Variants in RGS6 observed in about 807,000 individuals in gnomAD.
RGS6 encodes regulator of G protein signaling 6, also known as regulator of G-protein signaling 6.
In RGS6, 30 loss-of-function variants were observed where a neutral mutation model predicts 78.5. The observed-to-expected ratio is 0.38, with a 90% confidence interval of 0.29 to 0.52. The LOEUF is 0.52. Among genes scored for constraint, RGS6 ranks in the 20% least tolerant of loss-of-function variants. RGS6 has a pLI of 0.85. For missense variants in RGS6, 495 were observed against 609.7 expected, an observed-to-expected ratio of 0.81 and a Z score of 1.98; for synonymous variants, 206 against 206.0, an observed-to-expected ratio of 1.00 and a Z score of 0.00.
intron 2 of RGS6, among the ~76,000 whole-genome samples, chr14:72,001,103 G>A (rs1211508117): frequency 6.6e-6 from 1 of 152,150 alleles, no homozygotes; most frequent in Non-Finnish European, 1.5e-5. Context: ...GCCCTGTCGT[G>A]GGGCCGCTCC....
intron 3 of RGS6, among the ~76,000 whole-genome samples, chr14:72,431,629 C>T (rs2153165711): frequency 6.6e-6 from 1 of 151,936 alleles, no homozygotes; most frequent in South Asian, 2.1e-4. Context: ...GTGAAGTGCC[C>T]ACCTCAGGGA....
intron 2 of RGS6, among the ~76,000 whole-genome samples, chr14:72,154,625 G>T (rs770359026): frequency 2.0e-5 from 3 of 152,182 alleles, no homozygotes; most frequent in African/African-American, 7.2e-5. Flanking sequence ...GGGATCTAAT[G>T]TCTGACTTTG....
intron 2 of RGS6, among the ~76,000 whole-genome samples, chr14:72,195,028 C>G (rs949319216): frequency 1.3e-5 from 2 of 151,978 alleles, no homozygotes; most frequent in African/African-American, 4.8e-5. Flanking sequence ...GCCAACATAG[C>G]GAAACCCCGT....
At chr14:72,145,520 C>T (rs767238064) in intron 2 of RGS6, among the ~76,000 whole-genome samples, 25 of 152,126 alleles carry the variant, frequency 1.6e-4, no homozygotes, top group Non-Finnish European at 2.9e-4. Flanking sequence ...ACTCTGTTGC[C>T]CAGGTTGGAG....
the RGS6 span, among the ~76,000 whole-genome samples, chr14:71,870,598 G>A: frequency 6.6e-6 from 1 of 152,130 alleles, no homozygotes; most frequent in African/African-American, 2.4e-5. Flanking sequence ...TTGGTATCAC[G>A]GGAAGCACAC....
At chr14:72,393,836 G>A (rs905079519) in intron 3 of RGS6, among the ~76,000 whole-genome samples, 1 of 152,140 alleles carries the variant, frequency 6.6e-6, no homozygotes, top group Non-Finnish European at 1.5e-5. Context: ...AGAATGCATT[G>A]TTCAGTGGAA....
At chr14:71,964,263 T>G (rs2093383209) in intron 1 of RGS6, among the ~76,000 whole-genome samples, 1 of 152,168 alleles carries the variant, frequency 6.6e-6, no homozygotes, top group Admixed American at 6.5e-5. Context: ...TGCCAGCAGT[T>G]TGGGAGGCTG....
chr14:72,540,240 C>T, intron 17 of RGS6, 146 bp downstream of exon 17: 2 of 1,538,930 alleles, frequency 1.3e-6, no homozygotes, highest in Non-Finnish European at 1.7e-6. Flanking sequence ...CAGCCCTTTT[C>T]TTTTGCGAGT....
chr14:72,088,487 T>G (rs2095140881), intron 2 of RGS6, among the ~76,000 whole-genome samples: 1 of 152,190 alleles, frequency 6.6e-6, no homozygotes, highest in African/African-American at 2.4e-5. Flanking sequence ...TTTGAAATGA[T>G]GGGCTGGGGA....
chr14:72,141,838 A>G (rs188845692), intron 2 of RGS6, among the ~76,000 whole-genome samples: 2 of 152,144 alleles, frequency 1.3e-5, no homozygotes, highest in East Asian at 3.9e-4. Flanking sequence ...AACCTTGGGT[A>G]GCCATGTTCC....
intron 2 of RGS6, among the ~76,000 whole-genome samples, chr14:72,228,806 G>A (rs989185777): frequency 3.3e-5 from 5 of 152,218 alleles, no homozygotes; most frequent in Admixed American, 2.6e-4. Flanking sequence ...AGCACTTTGG[G>A]AGGCCAAGGC....
chr14:72,474,930 C>A (rs1473390890), intron 10 of RGS6, among the ~76,000 whole-genome samples: 1 of 146,906 alleles, frequency 6.8e-6, no homozygotes, highest in East Asian at 2.0e-4. Flanking sequence ...TAAAACAAGC[C>A]AACAGGCAAC....
intron 2 of RGS6, among the ~76,000 whole-genome samples, chr14:72,192,703 T>G (rs2097342721): frequency 6.6e-6 from 1 of 152,178 alleles, no homozygotes; most frequent in Non-Finnish European, 1.5e-5. Context: ...GGCAATAAAA[T>G]AAATAAAGGC....
chr14:71,916,813 A>G, the RGS6 span, among the ~76,000 whole-genome samples: 6 of 152,182 alleles, frequency 3.9e-5, no homozygotes, highest in African/African-American at 1.4e-4. Context: ...GGGTTTGTTA[A>G]AATGCAGATT....
intron 1 of RGS6, among the ~76,000 whole-genome samples, chr14:71,944,353 C>A (rs2091146524): frequency 6.6e-6 from 1 of 152,248 alleles, no homozygotes; most frequent in East Asian, 1.9e-4. Flanking sequence ...CAGTCACTTG[C>A]CCTAAGTCAG....
the RGS6 span, among the ~76,000 whole-genome samples, chr14:72,612,301 T>C: frequency 2.0e-5 from 3 of 152,286 alleles, no homozygotes; most frequent in East Asian, 1.9e-4. Flanking sequence ...CCAGACGCAT[T>C]GGTGAGCCAG....
intron 2 of RGS6, among the ~76,000 whole-genome samples, chr14:72,341,626 G>T (rs757060501): frequency 1.3e-5 from 2 of 152,216 alleles, no homozygotes; most frequent in African/African-American, 2.4e-5. Flanking sequence ...AGCAAAACAG[G>T]CTGGGAGGAG....
At chr14:72,048,273 T>C (rs36741) in intron 2 of RGS6, among the ~76,000 whole-genome samples, 43,204 of 152,078 alleles carry the variant, frequency 0.28, 6,332 homozygotes, top group Admixed American at 0.33. Context: ...TTCAGAACCA[T>C]AAATGTTTTC....
At chr14:72,318,074 A>G (rs1464804663) in intron 2 of RGS6, among the ~76,000 whole-genome samples, 1 of 152,050 alleles carries the variant, frequency 6.6e-6, no homozygotes, top group Non-Finnish European at 1.5e-5. Flanking sequence ...CCAACACCCC[A>G]TTTTACACAG....
Sources: gnomAD v4.1 joint callset for allele counts (sites outside exome capture counted in the v4.1 genomes callset) on GRCh38, gnomAD v4.1.1 for gene constraint, MANE v1.5 for transcripts, NCBI Gene and HGNC (gene_info 2026-07-23, HGNC 2026-07-21) for gene names.